SCAPER: variants seen among roughly 807,000 people sequenced by gnomAD.
The protein encoded by SCAPER is S-phase cyclin A associated protein in the ER.
SCAPER carries 98 observed loss-of-function variants against 182.2 expected under a neutral mutation model. That is an observed-to-expected ratio of 0.54 (90% confidence interval 0.46 to 0.64). The LOEUF (loss-of-function observed/expected upper bound fraction) is 0.64, where lower values mean the gene tolerates loss of function less well. SCAPER is among the 30% of genes least tolerant of loss of function. SCAPER has a pLI of 0.00. For missense variants in SCAPER, 1,432 were observed against 1,690.0 expected (o/e 0.85, Z 2.68); for synonymous variants, 605 against 564.6 (o/e 1.07, Z -1.01).
Position 76,471,135 on chromosome 15 carries a change from A to G in SCAPER, c.3078+77T>C, listed in dbSNP as rs532706300. On this transcript the variant is annotated intron_variant, in intron 25 of 31. Transcript: ENST00000563290. ...TTTCATCTGGAGAGTAACTAAGTTG[A>G]ATTCTTTTAGTTTTCTCCACAGGGA... The G allele has an allele frequency of 3.4e-6, 4 of 1,168,094 alleles. No individual in the cohort carries two copies. In the African/African-American group the frequency reaches 6.4e-5, roughly 19 times the overall value. 72.4% of individuals were successfully genotyped at this position (1,168,094 alleles called of 1,614,324 possible). A position where few individuals can be genotyped will look rare whatever the true frequency, so the allele number is the denominator to read the frequency against.
chr15:76,452,557 C>T (rs1315675328), intron 25 of SCAPER, among the ~76,000 whole-genome samples: 1 of 152,200 alleles, frequency 6.6e-6, no homozygotes, highest in Non-Finnish European at 1.5e-5. Context: ...GCTAAACAGT[C>T]TACTATGAAA....
At chr15:76,533,565 T>G (rs2043863765) in intron 23 of SCAPER, among the ~76,000 whole-genome samples, 1 of 152,028 alleles carries the variant, frequency 6.6e-6, no homozygotes, top group Non-Finnish European at 1.5e-5. Flanking sequence ...TGCACAACGA[T>G]GACGCTGCCT....
chr15:76,480,604 G>A (rs2051033709), intron 24 of SCAPER, among the ~76,000 whole-genome samples: 1 of 152,212 alleles, frequency 6.6e-6, no homozygotes, highest in Admixed American at 6.5e-5. Context: ...CCCTCATACT[G>A]TGCAGCACAA....
chr15:76,661,175 A>G (rs2056123748), intron 21 of SCAPER, among the ~76,000 whole-genome samples: 1 of 152,128 alleles, frequency 6.6e-6, no homozygotes, highest in Admixed American at 6.6e-5. Flanking sequence ...TATTTTAGAA[A>G]GTAAAAAACT....
At chr15:76,421,921 C>A (rs1444772727) in intron 26 of SCAPER, among the ~76,000 whole-genome samples, 1 of 152,148 alleles carries the variant, frequency 6.6e-6, no homozygotes, top group Non-Finnish European at 1.5e-5. Context: ...TGTCAAAGAT[C>A]AGATAGTTGT....
At chr15:76,565,633 C>T (rs1293763403) in intron 23 of SCAPER, among the ~76,000 whole-genome samples, 1 of 152,130 alleles carries the variant, frequency 6.6e-6, no homozygotes, top group African/African-American at 2.4e-5. Flanking sequence ...ACAAAATACA[C>T]AACACTTTTT....
intron 6 of SCAPER, among the ~76,000 whole-genome samples, chr15:76,801,275 T>C (rs1276016285): frequency 1.3e-5 from 2 of 152,216 alleles, no homozygotes; most frequent in Non-Finnish European, 2.9e-5. Context: ...TCCATTGGCA[T>C]TGGTGATACA....
intron 9 of SCAPER, chr15:76,774,323 C>A (rs918528184): frequency 3.0e-6 from 1 of 331,288 alleles, no homozygotes; most frequent in South Asian, 2.4e-5. Flanking sequence ...AAGACAAAGA[C>A]AGGTGGAGGA....
At chr15:76,437,236 C>T (rs1207144359) in intron 25 of SCAPER, among the ~76,000 whole-genome samples, 1 of 152,108 alleles carries the variant, frequency 6.6e-6, no homozygotes, top group East Asian at 1.9e-4. Context: ...CCCCCGTGCA[C>T]CCTCATTTTC....
intron 21 of SCAPER, among the ~76,000 whole-genome samples, chr15:76,627,574 G>A (rs897558622): frequency 6.6e-6 from 1 of 152,130 alleles, no homozygotes; most frequent in African/African-American, 2.4e-5. Flanking sequence ...TTAGTTTGCT[G>A]AGGATAATAG....
chr15:76,823,330 G>A (rs1369192931), intron 5 of SCAPER, among the ~76,000 whole-genome samples: 1 of 151,906 alleles, frequency 6.6e-6, no homozygotes, highest in Admixed American at 6.6e-5. Flanking sequence ...CATGGTGGCA[G>A]GCCCCTGTAA....
At chr15:76,803,907 C>G (rs530392537) in intron 6 of SCAPER, among the ~76,000 whole-genome samples, 1 of 152,222 alleles carries the variant, frequency 6.6e-6, no homozygotes, top group South Asian at 2.1e-4. Context: ...ACAACAGTCA[C>G]AGAGCTTGGC....
chr15:76,458,754 A>G lies in SCAPER; in HGVS notation c.3078+12458T>C, dbSNP rs145016731. ...CGGTCACCCTGCTCTGCTACTGAAC[A>G]CTGGAACTTATTCCTTCTATTTAAC... is the stretch of plus-strand genomic sequence containing the variant. On this transcript the variant is annotated intron_variant, in intron 25 of 31. Transcript: ENST00000563290. Among the ~76,000 whole-genome samples the G allele has an allele frequency of 3.9e-4, 59 of 152,254 alleles. No individual in the cohort carries two copies. The East Asian group carries it at 8.9e-3, about 23-fold the overall frequency.
chr15:76,765,357 A>C lies in SCAPER; in HGVS notation c.1593T>G (p.Leu531=). ...PGHGIHMHEK[L]SSPSRKRTIA... ...CAGACCTTTTACGAGAGGGTGAAGA[A>C]AGTTTTTCATGCATGTGAATTCCAT... Residue 531 remains leucine, a synonymous_variant, in exon 13 of 32, where the codon CTT becomes CTG. Transcript: ENST00000563290. 6.2e-7 allele frequency: 1 copy of C among 1,613,190 alleles called. No individual in the cohort carries two copies. Among genetic ancestry groups the C allele is most frequent in the South Asian group, 1.1e-5 (1 of 90,936 alleles).
chr15:76,638,998 T>C (rs978683894), intron 21 of SCAPER, among the ~76,000 whole-genome samples: 1 of 152,218 alleles, frequency 6.6e-6, no homozygotes, highest in Non-Finnish European at 1.5e-5. Flanking sequence ...TCAAACCTAG[T>C]GTATTTAGAT....
In SCAPER at chr15:76,812,483, GAA is replaced by G. The variant is rs59087455; in HGVS notation, c.394-7852_394-7851del. Among the ~76,000 whole-genome samples the G allele has an allele frequency of 5.8e-3, 589 of 101,768 alleles. 4 individuals carry two copies. Among genetic ancestry groups the G allele is most frequent in the African/African-American group, 0.016 (446 of 27,124 alleles). The allele number at this position is 101,768 out of a possible 152,430, so 66.8% of individuals were successfully genotyped here. ...AGCCTGGGTGACGGAGTGAGACTCT[GAA>G]AAAAAAAAAAAAAAAGAAAGAAAGA... is the stretch of plus-strand genomic sequence containing the variant. On this transcript the variant is annotated intron_variant, in intron 5 of 31. Transcript: ENST00000563290.
chr15:76,764,217 C>T (rs1400477468), intron 14 of SCAPER, among the ~76,000 whole-genome samples: 1 of 152,186 alleles, frequency 6.6e-6, no homozygotes, highest in Non-Finnish European at 1.5e-5. Flanking sequence ...AGTACAACAA[C>T]TCTTGGTTTA....
chr15:76,878,860 T>C (rs1301678061), intron 2 of SCAPER, among the ~76,000 whole-genome samples: 3 of 152,060 alleles, frequency 2.0e-5, no homozygotes, highest in Non-Finnish European at 2.9e-5. Context: ...GGGAGGAAAC[T>C]TGAGTAGGCA....
intron 7 of SCAPER, among the ~76,000 whole-genome samples, chr15:76,798,129 G>A (rs1197039058): frequency 1.3e-5 from 2 of 152,236 alleles, no homozygotes; most frequent in East Asian, 1.9e-4. Flanking sequence ...GGAGCCCAAG[G>A]AGGGTGGATC....
Sources: allele counts gnomAD v4.1 joint callset (sites outside exome capture counted in the v4.1 genomes callset), GRCh38; gene constraint gnomAD v4.1.1; transcripts MANE v1.5; gene names NCBI Gene and HGNC (gene_info 2026-07-23, HGNC 2026-07-21).